CCDC144A: variants seen among roughly 807,000 people sequenced by gnomAD.
CCDC144A encodes coiled-coil domain containing 144A.
A neutral mutation model predicts 143.8 loss-of-function variants in CCDC144A; 41 were observed. That is an observed-to-expected ratio of 0.29 (90% CI 0.22 to 0.37). The LOEUF is 0.37. Among genes scored for constraint, CCDC144A ranks in the 10% least tolerant of loss-of-function variants. CCDC144A has a pLI of 1.00. For synonymous variants in CCDC144A, 242 were observed against 517.9 expected (o/e 0.47, Z 7.23); for missense variants, 637 against 1,488.8 (o/e 0.43, Z 9.41).
At position 16,777,699 on chromosome 17, in the gene CCDC144A, G is replaced by A; in HGVS notation, c.*4066G>A. ...TGACACAACCTATCAAAAACTCTGG[G>A]ATACAGCAAAAGTGGAGCTAAGAAG... On this transcript the variant is annotated 3_prime_UTR_variant, in exon 17 of 17. Coordinates refer to ENST00000399273, the MANE Select transcript of CCDC144A (RefSeq NM_001382000.1). The A allele has an allele frequency of 7.3e-6, 1 of 137,514 alleles. No individual in the cohort carries two copies. Among genetic ancestry groups the A allele is most frequent in the Non-Finnish European group, 1.5e-5 (1 of 66,226 alleles). The allele number at this position is 137,514 out of a possible 1,614,324, so 8.5% of individuals were successfully genotyped here. A position where few individuals can be genotyped will look rare whatever the true frequency, so the allele number is the denominator to read the frequency against.
chr17:16,714,891 G>A (rs995268047), intron 6 of CCDC144A, among the ~76,000 whole-genome samples: 7 of 151,870 alleles, frequency 4.6e-5, no homozygotes, highest in Admixed American at 3.9e-4. Flanking sequence ...CTTGCTCTTC[G>A]TTATCTATCA....
intron 6 of CCDC144A, among the ~76,000 whole-genome samples, chr17:16,719,478 A>G (rs941899967): frequency 1.3e-5 from 2 of 152,176 alleles, no homozygotes; most frequent in Non-Finnish European, 2.9e-5. Flanking sequence ...TCTCTTTAAA[A>G]CACTTGAAAA....
At position 16,745,661 on chromosome 17, in the gene CCDC144A, A is replaced by T. The variant is rs1010669814; in HGVS notation, c.3372+10018A>T. 10 of 1,604,896 alleles carry T rather than the reference A, an allele frequency of 6.2e-6. No individual in the cohort carries two copies. The African/African-American group carries it at 1.2e-4, about 19-fold the overall frequency. ...CTGCCTCTTCCCTCTTCTCAGGACC[A>T]GTCCCCGAACCTTCTGCCTTGCAGA... On this transcript the variant is annotated intron_variant, in intron 12 of 16. Coordinates refer to ENST00000399273, the MANE Select transcript of CCDC144A (RefSeq NM_001382000.1).
Position 16,776,780 on chromosome 17 carries a change from G to A in CCDC144A, c.*3147G>A, listed in dbSNP as rs1916015627. ...GAGAGGGCATCTTTGTCTTGTGTCA[G>A]TTTTCAAGGGAACGCTTCCAGGTTT... On this transcript the variant is annotated 3_prime_UTR_variant, in exon 17 of 17. Coordinates refer to ENST00000399273, the MANE Select transcript of CCDC144A (RefSeq NM_001382000.1). 2 of 152,128 alleles carry A rather than the reference G, an allele frequency of 1.3e-5. No homozygotes were observed. The highest frequency in any genetic ancestry group is 4.1e-4 in the South Asian group (2 of 4,828). 9.4% of individuals were successfully genotyped at this position (152,128 alleles called of 1,614,324 possible).
the CCDC144A span, among the ~76,000 whole-genome samples, chr17:16,677,750 T>C: frequency 6.6e-6 from 1 of 150,862 alleles, no homozygotes; most frequent in Non-Finnish European, 1.5e-5. Context: ...GATGTTGCAA[T>C]GAGCGGAGAT....
At chr17:16,685,366 GT>G (rs1270772625), upstream of CCDC144A, among the ~76,000 whole-genome samples, 3 of 151,640 alleles carry the variant, frequency 2.0e-5, no homozygotes, top group African/African-American at 7.3e-5. Flanking sequence ...TTCCAACGCC[GT>G]TTTTTGTTGT....
At chr17:16,689,533 G>C (rs929363263), upstream of CCDC144A, 10 of 152,502 alleles carry the variant, frequency 6.6e-5, no homozygotes, top group African/African-American at 2.4e-4. Context: ...GCGGGCTGAA[G>C]GGTCAGGACG....
Position 16,690,592 on chromosome 17 carries a change from C to T in CCDC144A, c.192C>T (p.His64=). The part of the protein sequence containing the change: ...WKNSVGSESK[H]GEGALDQPQH... ...ACAGCGTCGGCAGCGAGAGCAAGCA[C>T]GGTGAGGGCGCCTTAGACCAGCCCC... Residue 64 remains histidine (H), a synonymous_variant, in exon 1 of 17, where the codon CAC becomes CAT. Coordinates refer to ENST00000399273, the MANE Select transcript of CCDC144A (RefSeq NM_001382000.1). 2.5e-6 allele frequency: 4 copies of T among 1,613,748 alleles called. No individual in the cohort carries two copies. Among genetic ancestry groups the T allele is most frequent in the Non-Finnish European group, 2.5e-6 (3 of 1,179,868 alleles).
chr17:16,717,429 G>A (rs1912840772), intron 6 of CCDC144A, among the ~76,000 whole-genome samples: 1 of 152,146 alleles, frequency 6.6e-6, no homozygotes, highest in African/African-American at 2.4e-5. Flanking sequence ...TTTTTAGTGT[G>A]GCATTCATCT....
chr17:16,763,107 A>G (rs1915448830), intron 14 of CCDC144A, among the ~76,000 whole-genome samples: 1 of 150,830 alleles, frequency 6.6e-6, no homozygotes, highest in Non-Finnish European at 1.5e-5. Flanking sequence ...CTTGTGAAGC[A>G]GAGAATGATC....
intron 5 of CCDC144A, among the ~76,000 whole-genome samples, chr17:16,711,363 C>T (rs1238824934): frequency 6.6e-6 from 1 of 151,798 alleles, no homozygotes; most frequent in Non-Finnish European, 1.5e-5. Context: ...ATTCATAATA[C>T]ATAGTAAAGG....
chr17:16,701,019 T>C (rs1477369752), intron 2 of CCDC144A, among the ~76,000 whole-genome samples: 1 of 152,220 alleles, frequency 6.6e-6, no homozygotes, highest in Non-Finnish European at 1.5e-5. Context: ...TTTGCCTAAG[T>C]ATACAATTAA....
chr17:16,728,115 A>T (rs1229459816), intron 9 of CCDC144A, among the ~76,000 whole-genome samples: 2 of 152,206 alleles, frequency 1.3e-5, no homozygotes, highest in African/African-American at 4.8e-5. Flanking sequence ...TGGTGTGATC[A>T]TACCTCCCTG....
At chr17:16,769,880 A>T (rs1192630317) in intron 15 of CCDC144A, among the ~76,000 whole-genome samples, 1 of 150,498 alleles carries the variant, frequency 6.6e-6, no homozygotes, top group African/African-American at 2.4e-5. Context: ...CAGGCTGGAG[A>T]GCAGTGGCGT....
At chr17:16,704,403 C>T (rs1269753487) in intron 2 of CCDC144A, among the ~76,000 whole-genome samples, 1 of 151,876 alleles carries the variant, frequency 6.6e-6, no homozygotes, top group Admixed American at 6.6e-5. Context: ...TGCAGTGAGC[C>T]GAGATTGCGC....
the CCDC144A span, among the ~76,000 whole-genome samples, chr17:16,680,219 A>G: frequency 1.3e-5 from 2 of 152,108 alleles, no homozygotes; most frequent in East Asian, 3.9e-4. Context: ...ACTTAAGTCC[A>G]GGCATTCGAG....
At chr17:16,718,284 C>T (rs1200671539) in intron 6 of CCDC144A, among the ~76,000 whole-genome samples, 88 of 150,812 alleles carry the variant, frequency 5.8e-4, no homozygotes, top group Non-Finnish European at 7.3e-4. Flanking sequence ...TGAGTGATAA[C>T]TGAAGAAGAA....
At chr17:16,734,641 T>C in intron 11 of CCDC144A, 49 bp from the exon 12 acceptor site, 1 of 1,441,374 alleles carries the variant, frequency 6.9e-7, no homozygotes, top group East Asian at 2.5e-5. Context: ...GAGAAAATCA[T>C]AATCTGTCAT....
upstream of CCDC144A, among the ~76,000 whole-genome samples, chr17:16,687,328 T>G (rs1403321230): frequency 6.6e-6 from 1 of 152,196 alleles, no homozygotes; most frequent in Non-Finnish European, 1.5e-5. Flanking sequence ...GAATTTTCCT[T>G]GTCTGATGGT....
Sources: gnomAD v4.1 joint callset for allele counts (sites outside exome capture counted in the v4.1 genomes callset) on GRCh38, gnomAD v4.1.1 for gene constraint, MANE v1.5 for transcripts, NCBI Gene and HGNC (gene_info 2026-07-23, HGNC 2026-07-21) for gene names.